The following TPD52L2 variants were observed in gnomAD, a reference collection of about 807,000 sequenced individuals.
TPD52L2 encodes the protein tumor protein D54.
TPD52L2 carries 19 observed loss-of-function variants against 24.7 expected under a neutral mutation model. That is an observed-to-expected ratio of 0.77 (90% CI 0.54 to 1.13). The LOEUF is 1.13. TPD52L2 is among the 50% of genes most tolerant of loss of function. The pLI is 0.00. For synonymous variants in TPD52L2, 104 were observed against 100.2 expected (o/e 1.04, Z -0.23); for missense variants, 236 against 250.4 (o/e 0.94, Z 0.39).
intron 4 of TPD52L2, among the ~76,000 whole-genome samples, chr20:63,879,739 T>A (rs1363951811): frequency 1.2e-4 from 14 of 115,784 alleles, no homozygotes; most frequent in Non-Finnish European, 1.6e-4. Context: ...CCCCACTCTT[T>A]AGGCACAAAT....
chr20:63,889,565 G>A (rs952333129), intron 6 of TPD52L2, among the ~76,000 whole-genome samples: 3 of 151,952 alleles, frequency 2.0e-5, no homozygotes, highest in African/African-American at 7.3e-5. Flanking sequence ...CCCTACCCCC[G>A]GCAACCCCTA....
In TPD52L2 at chr20:63,889,878, G is replaced by A. The variant is rs776860434; in HGVS notation, c.554G>A (p.Gly185Asp). 1 of 1,614,186 alleles carries A rather than the reference G, an allele frequency of 6.2e-7. No individual in the cohort carries two copies. The highest frequency in any genetic ancestry group is 8.5e-7 in the Non-Finnish European group (1 of 1,180,038). Residue 185 changes from glycine to aspartate, a missense_variant, in exon 7 of 7, where the codon GGC (glycine) becomes GAC (aspartate). Gly to Asp is a moderately conservative substitution (Grantham distance 94). Coordinates refer to ENST00000346249, the MANE Select transcript of TPD52L2 (RefSeq NM_003288.4). ...KSKVVGDREN[G>D]SDNLPSSAGS... Reference sequence around the variant, plus strand: ...AAGGTTGTGGGTGACAGAGAGAACGGCAGTGACAACCTCCCTTCCTCAGCG... The same window carrying A: ...AAGGTTGTGGGTGACAGAGAGAACGACAGTGACAACCTCCCTTCCTCAGCG...
intron 5 of TPD52L2, chr20:63,887,419 C>T: frequency 1.1e-6 from 1 of 917,606 alleles, no homozygotes; most frequent in Admixed American, 1.7e-5. Context: ...CCTTCGGGGG[C>T]ATTGTGTGGA....
chr20:63,872,662 G>A lies in TPD52L2; in HGVS notation c.166-1006G>A, dbSNP rs545822509. On this transcript the variant is annotated intron_variant, in intron 2 of 6. Transcript: ENST00000346249. ...CAAAGTGCTGGGATTACAGGCGTGAGCCACTGTGCCCGGCCAGGGTCTTCA... is the reference window on the plus strand; with the variant it reads ...CAAAGTGCTGGGATTACAGGCGTGAACCACTGTGCCCGGCCAGGGTCTTCA... Among the ~76,000 whole-genome samples, 36 of 151,974 alleles carry A rather than the reference G, an allele frequency of 2.4e-4. 1 individual carries two copies. The highest frequency in any genetic ancestry group is 5.0e-4 in the Non-Finnish European group (34 of 67,982).
intron 2 of TPD52L2, among the ~76,000 whole-genome samples, chr20:63,870,756 C>T (rs1259454872): frequency 6.6e-6 from 1 of 150,650 alleles, no homozygotes; most frequent in Admixed American, 6.6e-5. Flanking sequence ...CTCGCCCTGT[C>T]GCCCAGGCTG....
intron 5 of TPD52L2, among the ~76,000 whole-genome samples, chr20:63,883,515 C>T (rs772647996): frequency 5.3e-5 from 8 of 152,194 alleles, no homozygotes; most frequent in Non-Finnish European, 1.0e-4. Flanking sequence ...TCAGGCACGC[C>T]TTCTTTCACA....
At position 63,882,775 on chromosome 20, in the gene TPD52L2, T is replaced by G. The variant is rs745958978; in HGVS notation, c.431T>G (p.Leu144Arg). 6.2e-7 allele frequency: 1 copy of G among 1,613,840 alleles called. No individual in the cohort carries two copies. The highest frequency in any genetic ancestry group is 1.3e-5 in the African/African-American group (1 of 74,952). The change falls in exon 5 of 7, where the codon CTG (leucine) becomes CGG (arginine). Residue 144 changes from leucine to arginine, a missense_variant. By Grantham distance (102) the Leu-to-Arg change is moderately radical. Transcript: ENST00000346249. ...SQAGQKTSAA[L>R]STVGSAISRK... ...GCAGGACAGAAGACTTCAGCTGCCCTGTCCACAGTGGGCTCTGCCATCAGC... is the reference window on the plus strand; with the variant it reads ...GCAGGACAGAAGACTTCAGCTGCCCGGTCCACAGTGGGCTCTGCCATCAGC...
chr20:63,873,581 C>G, intron 2 of TPD52L2, 87 bp from the exon 3 acceptor site: 1 of 1,453,370 alleles, frequency 6.9e-7, no homozygotes, highest in Admixed American at 2.4e-5. Context: ...GCGGAAAGTT[C>G]TTGTGTAACT....
rs778462295 is a variant in TPD52L2 at position 63,889,164 on chromosome 20, C to T, written c.477-26C>T. On this transcript the variant is annotated intron_variant, in intron 5 of 6. Coordinates refer to ENST00000346249, the MANE Select transcript of TPD52L2 (RefSeq NM_003288.4). ...CAGCACAACCCTCTCCTCTTGACAC[C>T]GACACTCTTCCCTCTCTCTTTAAAG... 1.5e-5 allele frequency: 24 copies of T among 1,610,712 alleles called. No individual in the cohort carries two copies. The Admixed American group carries it at 2.7e-4, about 18-fold the overall frequency.
intron 4 of TPD52L2, among the ~76,000 whole-genome samples, chr20:63,880,484 C>T (rs146531407): frequency 8.5e-5 from 13 of 152,402 alleles, no homozygotes; most frequent in Admixed American, 2.0e-4. Flanking sequence ...GTGCTGTGAG[C>T]GCTTTAGAAT....
intron 3 of TPD52L2, among the ~76,000 whole-genome samples, chr20:63,874,222 T>TGTGTGTGTGTG (rs1568944507): frequency 7.2e-6 from 1 of 139,610 alleles, no homozygotes; most frequent in African/African-American, 2.8e-5. Context: ...CGGCTGATTT[T>TGTGTGTGTGTG]TTTTTTTGTG....
intron 6 of TPD52L2, 89 bp downstream of exon 6, chr20:63,889,327 C>T (rs2053249273): frequency 2.6e-6 from 3 of 1,132,898 alleles, no homozygotes; most frequent in Non-Finnish European, 2.6e-6. Context: ...TTATGGTAGA[C>T]TCACATACAG....
At chr20:63,880,813 C>T (rs1014632387) in intron 4 of TPD52L2, among the ~76,000 whole-genome samples, 2 of 151,666 alleles carry the variant, frequency 1.3e-5, no homozygotes, top group South Asian at 2.1e-4. Flanking sequence ...ATGGCGTGCA[C>T]CCGTGAGGCA....
chr20:63,885,423 T>C (rs2053055891), intron 5 of TPD52L2, among the ~76,000 whole-genome samples: 1 of 152,240 alleles, frequency 6.6e-6, no homozygotes, highest in South Asian at 2.1e-4. Flanking sequence ...TGGGCCTGGC[T>C]GCAGTGAGTG....
At chr20:63,885,902 G>A in intron 5 of TPD52L2, 2 of 1,113,350 alleles carry the variant, frequency 1.8e-6, no homozygotes, top group Non-Finnish European at 2.8e-6. Context: ...TGCTGGGCCT[G>A]ACTGAGCACG....
intron 5 of TPD52L2, among the ~76,000 whole-genome samples, chr20:63,886,436 C>T (rs2053109393): frequency 6.6e-6 from 1 of 151,572 alleles, no homozygotes. Context: ...TCTCGGCTCA[C>T]TGCAAGCTCC....
At chr20:63,887,782 A>G (rs1054019869) in intron 5 of TPD52L2, 9 of 650,088 alleles carry the variant, frequency 1.4e-5, no homozygotes, top group Non-Finnish European at 2.4e-5. Context: ...CTGACGAGGA[A>G]GAGCTGGTAG....
In TPD52L2 at chr20:63,868,446, C is replaced by G. The variant is rs560175076; in HGVS notation, c.20-850C>G. On this transcript the variant is annotated intron_variant, in intron 1 of 6. Transcript: ENST00000346249. ...GGTGGCAGCACACCGCTCTGCACCT[C>G]TCTGCCTGCTGGCGGCCTTCTGGCA... Among the ~76,000 whole-genome samples the G allele has an allele frequency of 4.6e-5, 7 of 152,350 alleles. No individual in the cohort carries two copies. In the South Asian group the frequency reaches 1.4e-3, roughly 32 times the overall value.
rs1286903009 is a variant in TPD52L2 at position 63,877,377 on chromosome 20, T to A, written c.374+1502T>A. Among the ~76,000 whole-genome samples, 1 of 152,090 alleles carries A rather than the reference T, an allele frequency of 6.6e-6. No homozygotes were observed. The highest frequency in any genetic ancestry group is 1.5e-5 in the Non-Finnish European group (1 of 68,008). On this transcript the variant is annotated intron_variant, in intron 4 of 6. Coordinates refer to ENST00000346249, the MANE Select transcript of TPD52L2 (RefSeq NM_003288.4). The surrounding 1 kb of genome is among the most constrained non-coding windows in gnomAD (Gnocchi z 4.1). ...GGTTTCATGGTGTTAGCCAGGATGG[T>A]TTCGATCTCCTGACCTCGTGATCCG...
Sources: allele counts gnomAD v4.1 joint callset (sites outside exome capture counted in the v4.1 genomes callset), GRCh38; gene constraint gnomAD v4.1.1; non-coding constraint Gnocchi (gnomAD v3.1); transcripts MANE v1.5; gene names NCBI Gene and HGNC (gene_info 2026-07-23, HGNC 2026-07-21).